BNC2: variants seen among roughly 807,000 people sequenced by gnomAD.
The protein encoded by BNC2 is basonuclin zinc finger protein 2.
Under a neutral mutation model 76.3 loss-of-function variants are expected in BNC2, and 20 were observed. That is an observed-to-expected ratio of 0.26 (90% CI 0.18 to 0.38). BNC2 has a LOEUF of 0.38. Among genes scored for constraint, BNC2 ranks in the 10% least tolerant of loss-of-function variants. The pLI is 1.00. For synonymous variants in BNC2, 582 were observed against 514.8 expected (o/e 1.13, Z -1.77); for missense variants, 1,382 against 1,399.8 (o/e 0.99, Z 0.20).
At chr9:16,517,986 A>C (rs757246791) in intron 5 of BNC2, among the ~76,000 whole-genome samples, 5 of 152,154 alleles carry the variant, frequency 3.3e-5, no homozygotes, top group Non-Finnish European at 7.3e-5. Context: ...ACTGGTCTCG[A>C]AGGAACACAG....
chr9:16,530,966 CAGG>C (rs1318188390), intron 5 of BNC2, among the ~76,000 whole-genome samples: 2 of 152,106 alleles, frequency 1.3e-5, no homozygotes, highest in African/African-American at 4.8e-5. Flanking sequence ...CGGGAGGGGG[CAGG>C]AGGAGGTAGG....
At chr9:16,421,180 C>A in intron 6 of BNC2, 2 of 932,088 alleles carry the variant, frequency 2.1e-6, no homozygotes, top group South Asian at 1.9e-5. Context: ...CCTTTCCACA[C>A]AAGACAATAT....
At chr9:16,726,000 ACG>A (rs1048385256) in intron 3 of BNC2, among the ~76,000 whole-genome samples, 33 of 140,106 alleles carry the variant, frequency 2.4e-4, no homozygotes, top group Middle Eastern at 3.7e-3. Context: ...ACACACACAC[ACG>A]CACACACACA....
Position 16,727,967 on chromosome 9 carries a change from T to C in BNC2, c.160A>G (p.Arg54Gly). 1.2e-6 allele frequency: 2 copies of C among 1,614,058 alleles called. No individual in the cohort carries two copies. The highest frequency in any genetic ancestry group is 1.7e-6 in the Non-Finnish European group (2 of 1,180,020). Residue 54 changes from arginine to glycine, a missense_variant, in exon 3 of 7, where the codon AGA becomes GGA. Arg to Gly is a moderately radical substitution (Grantham distance 125). Transcript: ENST00000380672. ...SEEAEVDVRE[R>G]ETQRDREPKR... ...GGCTCTCTGTCTCTCTGTGTCTCTC[T>C]TTCTCTCACATCCACTTCTGCCTCT...
At chr9:16,789,629 T>C (rs562961261) in intron 1 of BNC2, among the ~76,000 whole-genome samples, 1 of 152,338 alleles carries the variant, frequency 6.6e-6, no homozygotes, top group African/African-American at 2.4e-5. Flanking sequence ...GGCTATGTGT[T>C]TGATAGGTGT....
At chr9:16,645,181 AAAG>A (rs1452342400) in intron 3 of BNC2, among the ~76,000 whole-genome samples, 3 of 152,212 alleles carry the variant, frequency 2.0e-5, no homozygotes, top group African/African-American at 7.2e-5. Flanking sequence ...GATAAGAGAA[AAAG>A]AAGATTTGAA....
At chr9:16,685,617 T>C in intron 3 of BNC2, 4 of 1,304,272 alleles carry the variant, frequency 3.1e-6, no homozygotes, top group Non-Finnish European at 4.0e-6. Flanking sequence ...TGCCAGTACA[T>C]GCCAATGGAA....
At chr9:16,488,552 C>T (rs745451702) in intron 5 of BNC2, among the ~76,000 whole-genome samples, 11 of 152,102 alleles carry the variant, frequency 7.2e-5, no homozygotes, top group Admixed American at 2.0e-4. Context: ...CAAATGAATG[C>T]GTTTAGTCTG....
intron 1 of BNC2, among the ~76,000 whole-genome samples, chr9:16,842,940 C>T (rs193175968): frequency 6.4e-4 from 97 of 152,090 alleles, no homozygotes; most frequent in Non-Finnish European, 1.2e-3. Flanking sequence ...TTAGTAGAGA[C>T]GCAGTTTCGC....
intron 5 of BNC2, among the ~76,000 whole-genome samples, chr9:16,548,030 A>T (rs1818541742): frequency 6.6e-6 from 1 of 152,188 alleles, no homozygotes. Context: ...GGTAAGACAC[A>T]GAAGAGTTGA....
intron 5 of BNC2, among the ~76,000 whole-genome samples, chr9:16,468,038 C>CTTTTTTTTTT (rs1414982362): frequency 4.5e-4 from 66 of 146,226 alleles, no homozygotes; most frequent in African/African-American, 1.7e-3. Flanking sequence ...TTCTTTCTTT[C>CTTTTTTTTTT]TCTTTTTTTT....
chr9:16,721,657 C>T (rs1025433559), intron 3 of BNC2, among the ~76,000 whole-genome samples: 7 of 152,142 alleles, frequency 4.6e-5, no homozygotes, highest in African/African-American at 1.7e-4. Context: ...AGGCTCCAAA[C>T]CTACCGTGAA....
At chr9:16,435,510 G>A (rs752883642) in intron 6 of BNC2, 45 bp downstream of exon 6, 8 of 1,606,982 alleles carry the variant, frequency 5.0e-6, no homozygotes, top group South Asian at 1.1e-5. Context: ...CTGAAAACTG[G>A]CACCCTCCAC....
At chr9:16,663,130 C>CTTTTTTTTTTTTTTTTTCTT (rs71325979) in intron 3 of BNC2, among the ~76,000 whole-genome samples, 1 of 99,618 alleles carries the variant, frequency 1.0e-5, no homozygotes, top group African/African-American at 3.6e-5. Flanking sequence ...TCTGTTTACT[C>CTTTTTTTTTTTTTTTTTCTT]TTTTTTTTTT....
chr9:16,795,769 T>C (rs1817630736), intron 1 of BNC2, among the ~76,000 whole-genome samples: 1 of 152,174 alleles, frequency 6.6e-6, no homozygotes, highest in Admixed American at 6.5e-5. Context: ...AGTAAAGAGA[T>C]GATTTAAAAG....
chr9:16,515,944 GAA>G (rs3055130), intron 5 of BNC2, among the ~76,000 whole-genome samples: 1 of 145,474 alleles, frequency 6.9e-6, no homozygotes. Context: ...TTCCAAAAGG[GAA>G]AAAAAAAAAA....
At chr9:16,683,625 T>A (rs1822889239) in intron 3 of BNC2, among the ~76,000 whole-genome samples, 1 of 152,192 alleles carries the variant, frequency 6.6e-6, no homozygotes, top group African/African-American at 2.4e-5. Context: ...CTAGGACACA[T>A]GACATGGCAA....
intron 3 of BNC2, among the ~76,000 whole-genome samples, chr9:16,718,731 TACA>T (rs1211972517): frequency 6.6e-6 from 1 of 152,152 alleles, no homozygotes; most frequent in Non-Finnish European, 1.5e-5. Context: ...AAGGAATAAT[TACA>T]ACAAGATTCT....
intron 1 of BNC2, among the ~76,000 whole-genome samples, chr9:16,800,925 A>C (rs2135748943): frequency 6.6e-6 from 1 of 152,352 alleles, no homozygotes; most frequent in East Asian, 1.9e-4. Flanking sequence ...TACGTGTTTT[A>C]GAAGCAAAAG....
Sources: allele counts gnomAD v4.1 joint callset (sites outside exome capture counted in the v4.1 genomes callset), GRCh38; gene constraint gnomAD v4.1.1; transcripts MANE v1.5; gene names NCBI Gene and HGNC (gene_info 2026-07-23, HGNC 2026-07-21).